PDE7A: variants seen among roughly 807,000 people sequenced by gnomAD.
PDE7A encodes high affinity 3',5'-cyclic-AMP phosphodiesterase 7A.
A neutral mutation model predicts 64.3 loss-of-function variants in PDE7A; 39 were observed. That is an observed-to-expected ratio of 0.61 (90% CI 0.47 to 0.79). The LOEUF (loss-of-function observed/expected upper bound fraction) is 0.79, where lower values mean the gene tolerates loss of function less well. PDE7A is among the 30% of genes least tolerant of loss of function. The pLI, the probability that PDE7A is intolerant of heterozygous loss-of-function variation, is 0.00. For missense variants in PDE7A, 470 were observed against 582.8 expected (o/e 0.81, Z 1.99); for synonymous variants, 203 against 206.8 (o/e 0.98, Z 0.16).
chr8:65,816,983 G>T (rs1270043435), intron 1 of PDE7A, among the ~76,000 whole-genome samples: 1 of 152,050 alleles, frequency 6.6e-6, no homozygotes, highest in African/African-American at 2.4e-5. Flanking sequence ...ACAGATTTCT[G>T]AGCTCTGTTC....
intron 3 of PDE7A, among the ~76,000 whole-genome samples, chr8:65,753,625 T>C (rs771947512): frequency 1.3e-5 from 2 of 152,062 alleles, no homozygotes; most frequent in African/African-American, 2.4e-5. Flanking sequence ...TTGAGTACTC[T>C]GTGTCTGTTA....
At chr8:65,777,804 A>G (rs1490523982) in intron 3 of PDE7A, among the ~76,000 whole-genome samples, 3 of 151,716 alleles carry the variant, frequency 2.0e-5, no homozygotes, top group African/African-American at 7.3e-5. Flanking sequence ...ATACTCCACT[A>G]CCCCTCATTA....
At chr8:65,769,772 C>T (rs765885908) in intron 3 of PDE7A, among the ~76,000 whole-genome samples, 2 of 151,974 alleles carry the variant, frequency 1.3e-5, no homozygotes, top group African/African-American at 2.4e-5. Context: ...AGTGATTGCC[C>T]GTAATCCTTG....
At chr8:65,835,895 G>T (rs981886250) in intron 1 of PDE7A, among the ~76,000 whole-genome samples, 2 of 152,124 alleles carry the variant, frequency 1.3e-5, no homozygotes, top group Non-Finnish European at 2.9e-5. Context: ...TGAACACCCT[G>T]TTAGAACTAC....
chr8:65,786,962 G>C (rs1809574394), intron 1 of PDE7A, among the ~76,000 whole-genome samples: 1 of 152,194 alleles, frequency 6.6e-6, no homozygotes. Flanking sequence ...GACTCACCTT[G>C]AATTAGGGTG....
At chr8:65,789,013 G>A in intron 1 of PDE7A, 12 of 1,588,176 alleles carry the variant, frequency 7.6e-6, no homozygotes, top group Non-Finnish European at 1.0e-5. Context: ...TTAGGAGTCT[G>A]ATAAATACCA....
At chr8:65,793,925 T>C (rs959275448) in intron 1 of PDE7A, among the ~76,000 whole-genome samples, 4 of 152,210 alleles carry the variant, frequency 2.6e-5, no homozygotes, top group Admixed American at 2.6e-4. Flanking sequence ...ATTAAAATCA[T>C]GTAAGGATCT....
In PDE7A at chr8:65,841,573, G is replaced by C; in HGVS notation, c.-65C>G. The C allele has an allele frequency of 9.6e-7, 1 of 1,040,562 alleles. No individual in the cohort carries two copies. The highest frequency in any genetic ancestry group is 3.6e-5 in the South Asian group (1 of 27,568). 64.5% of individuals were successfully genotyped at this position (1,040,562 alleles called of 1,614,324 possible). The stretch of plus-strand genomic sequence containing the variant: ...CCGCGGCCGCCGGCCCCTGCAGTGG[G>C]AGGGGGCCGCGGCTCGGGGGCTCCG... On this transcript the variant is annotated 5_prime_UTR_variant, in exon 1 of 13. Coordinates refer to ENST00000401827, the MANE Select transcript of PDE7A (RefSeq NM_001242318.3).
intron 1 of PDE7A, chr8:65,788,736 C>A: frequency 5.8e-6 from 3 of 513,652 alleles, no homozygotes; most frequent in African/African-American, 1.9e-5. Context: ...AAATTTAAGC[C>A]CTTTGGTCGA....
intron 1 of PDE7A, among the ~76,000 whole-genome samples, chr8:65,798,103 T>G (rs1366584501): frequency 1.3e-5 from 2 of 148,542 alleles, no homozygotes; most frequent in Non-Finnish European, 3.0e-5. Context: ...TATGTAAGTC[T>G]GATAAAGAAC....
At chr8:65,761,912 T>C (rs940559433) in intron 3 of PDE7A, among the ~76,000 whole-genome samples, 1 of 152,184 alleles carries the variant, frequency 6.6e-6, no homozygotes, top group African/African-American at 2.4e-5. Context: ...CACAGATTCT[T>C]TTCTATCACC....
At chr8:65,773,674 G>T (rs1421807856) in intron 3 of PDE7A, among the ~76,000 whole-genome samples, 1 of 151,922 alleles carries the variant, frequency 6.6e-6, no homozygotes, top group Non-Finnish European at 1.5e-5. Context: ...GATATGTTTG[G>T]TCTTCCTTCT....
intron 1 of PDE7A, among the ~76,000 whole-genome samples, chr8:65,789,537 C>T (rs1314498262): frequency 6.6e-6 from 1 of 152,068 alleles, no homozygotes; most frequent in Non-Finnish European, 1.5e-5. Flanking sequence ...TGCTTCTTAA[C>T]ATTATAATTC....
chr8:65,831,292 C>G (rs931077195), intron 1 of PDE7A, among the ~76,000 whole-genome samples: 1 of 152,066 alleles, frequency 6.6e-6, no homozygotes, highest in East Asian at 1.9e-4. Flanking sequence ...CTTATCTACC[C>G]CCCTCTACAA....
chr8:65,787,281 T>C (rs1466208561), intron 1 of PDE7A, among the ~76,000 whole-genome samples: 1 of 152,230 alleles, frequency 6.6e-6, no homozygotes, highest in African/African-American at 2.4e-5. Flanking sequence ...ACAAGATCTC[T>C]ATAAGGTAGG....
intron 1 of PDE7A, among the ~76,000 whole-genome samples, chr8:65,791,363 C>T (rs1056004981): frequency 3.3e-5 from 5 of 152,172 alleles, no homozygotes; most frequent in African/African-American, 1.2e-4. Flanking sequence ...TATCTATAAA[C>T]GAACAGCTAG....
At chr8:65,775,775 G>A (rs754587503) in intron 3 of PDE7A, among the ~76,000 whole-genome samples, 11 of 152,104 alleles carry the variant, frequency 7.2e-5, no homozygotes, top group African/African-American at 2.4e-4. Context: ...TTACAGGCAC[G>A]CACCACTGCA....
chr8:65,767,276 G>A (rs1462739474), intron 3 of PDE7A, among the ~76,000 whole-genome samples: 2 of 152,158 alleles, frequency 1.3e-5, no homozygotes, highest in African/African-American at 2.4e-5. Flanking sequence ...TAGTATGAAC[G>A]TTTATGGATT....
rs1213807706 is a variant in PDE7A at position 65,715,756 on chromosome 8, C to T, written c.*3534G>A. ...ATCCCAGCACTATGGGAGGCCGAGG[C>T]GGGCGGATCACGAGGTCAGGAGATT... On this transcript the variant is annotated 3_prime_UTR_variant, in exon 13 of 13. Coordinates refer to ENST00000401827, the MANE Select transcript of PDE7A (RefSeq NM_001242318.3). Among the ~76,000 whole-genome samples the T allele has an allele frequency of 1.2e-4, 17 of 147,074 alleles. No homozygotes were observed. In the South Asian group the frequency reaches 2.0e-3, roughly 17 times the overall value.
Sources: allele counts gnomAD v4.1 joint callset (sites outside exome capture counted in the v4.1 genomes callset), GRCh38; gene constraint gnomAD v4.1.1; transcripts MANE v1.5; gene names NCBI Gene and HGNC (gene_info 2026-07-23, HGNC 2026-07-21).